Variants in RNF180 observed in about 807,000 individuals in gnomAD.
The protein encoded by RNF180 is E3 ubiquitin-protein ligase RNF180.
RNF180 carries 38 observed loss-of-function variants against 59.2 expected under a neutral mutation model. The ratio of observed to expected loss-of-function variants is 0.64; its 90% CI spans 0.50 to 0.84. The LOEUF is 0.84. RNF180 is among the 40% of genes least tolerant of loss of function. The pLI is 0.00. For missense variants in RNF180, 705 were observed against 700.9 expected, an observed-to-expected ratio of 1.01 and a Z score of -0.07; for synonymous variants, 262 against 240.3, an observed-to-expected ratio of 1.09 and a Z score of -0.84.
intron 7 of RNF180, among the ~76,000 whole-genome samples, chr5:64,363,848 A>G (rs576546304): frequency 1.6e-4 from 25 of 151,724 alleles, no homozygotes; most frequent in Admixed American, 3.3e-4. Flanking sequence ...TTTTGTGGCA[A>G]TTGTGAATGG....
intron 5 of RNF180, among the ~76,000 whole-genome samples, chr5:64,317,685 A>G (rs1047656579): frequency 6.6e-6 from 1 of 151,696 alleles, no homozygotes; most frequent in African/African-American, 2.4e-5. Flanking sequence ...ATATGGTCCA[A>G]GACCCCCCAG....
At chr5:64,279,634 ATTTT>A (rs1561235459) in intron 5 of RNF180, among the ~76,000 whole-genome samples, 1 of 152,008 alleles carries the variant, frequency 6.6e-6, no homozygotes, top group African/African-American at 2.4e-5. Context: ...GGTGTCTTTT[ATTTT>A]TTCTACTTTT....
At chr5:64,172,804 G>C (rs1750012153) in intron 1 of RNF180, among the ~76,000 whole-genome samples, 1 of 152,118 alleles carries the variant, frequency 6.6e-6, no homozygotes, top group Non-Finnish European at 1.5e-5. Context: ...AAGTAGGAGG[G>C]GGCTTCAGTG....
At chr5:64,254,267 T>A (rs950800984) in intron 5 of RNF180, among the ~76,000 whole-genome samples, 1 of 152,176 alleles carries the variant, frequency 6.6e-6, no homozygotes, top group Non-Finnish European at 1.5e-5. Context: ...GTTGGAATGC[T>A]GACAAATGGA....
intron 5 of RNF180, among the ~76,000 whole-genome samples, chr5:64,301,471 A>G (rs1161737523): frequency 6.6e-6 from 1 of 151,736 alleles, no homozygotes; most frequent in Admixed American, 6.6e-5. Context: ...TATTTTATGA[A>G]ATGACAGATG....
chr5:64,181,130 C>T (rs1394795345), intron 1 of RNF180, among the ~76,000 whole-genome samples: 2 of 152,180 alleles, frequency 1.3e-5, no homozygotes, highest in Non-Finnish European at 2.9e-5. Flanking sequence ...CCTGCTCCTT[C>T]CACGTTCTTC....
At chr5:64,352,690 G>A (rs911022374) in intron 7 of RNF180, among the ~76,000 whole-genome samples, 3 of 151,904 alleles carry the variant, frequency 2.0e-5, no homozygotes, top group Non-Finnish European at 2.9e-5. Flanking sequence ...TATTTAGAAA[G>A]AATAGATAAA....
chr5:64,171,450 A>G (rs934071207), intron 1 of RNF180, among the ~76,000 whole-genome samples: 12 of 152,184 alleles, frequency 7.9e-5, no homozygotes, highest in Admixed American at 5.9e-4. Flanking sequence ...CATATAGACT[A>G]TAACAGGCAC....
intron 5 of RNF180, among the ~76,000 whole-genome samples, chr5:64,301,913 G>A (rs1315896494): frequency 3.3e-5 from 5 of 151,600 alleles, no homozygotes; most frequent in African/African-American, 1.2e-4. Flanking sequence ...TCTTTTACCA[G>A]GGAATGAGAA....
intron 7 of RNF180, among the ~76,000 whole-genome samples, chr5:64,361,967 A>C (rs1746270736): frequency 6.6e-6 from 1 of 151,490 alleles, no homozygotes; most frequent in African/African-American, 2.4e-5. Flanking sequence ...GATCCTCATA[A>C]GCTCAACCCT....
chr5:64,193,544 A>G (rs1751292791), intron 1 of RNF180, among the ~76,000 whole-genome samples: 1 of 152,200 alleles, frequency 6.6e-6, no homozygotes, highest in African/African-American at 2.4e-5. Context: ...TCAGCATTAC[A>G]TTAGATCTTT....
intron 5 of RNF180, among the ~76,000 whole-genome samples, chr5:64,238,920 A>T (rs1041463995): frequency 2.0e-5 from 3 of 152,116 alleles, no homozygotes; most frequent in South Asian, 4.1e-4. Flanking sequence ...GGAGACCCTG[A>T]AGTTCTTAAC....
chr5:64,190,759 G>T (rs1444751477), intron 1 of RNF180, among the ~76,000 whole-genome samples: 1 of 152,178 alleles, frequency 6.6e-6, no homozygotes, highest in East Asian at 1.9e-4. Flanking sequence ...ACAGAGGAAA[G>T]GCCATGTGAG....
intron 7 of RNF180, among the ~76,000 whole-genome samples, chr5:64,354,698 T>G (rs1017904292): frequency 4.0e-5 from 6 of 151,746 alleles, no homozygotes; most frequent in African/African-American, 1.5e-4. Flanking sequence ...CTCTGCAAAA[T>G]ACTAACAGAT....
chr5:64,355,788 A>T (rs1195512644), intron 7 of RNF180, among the ~76,000 whole-genome samples: 2 of 151,972 alleles, frequency 1.3e-5, no homozygotes, highest in Non-Finnish European at 2.9e-5. Context: ...AAGTCCATTC[A>T]TCTGGGAAAG....
intron 5 of RNF180, among the ~76,000 whole-genome samples, chr5:64,261,253 T>C (rs546257553): frequency 6.6e-6 from 1 of 152,254 alleles, no homozygotes; most frequent in South Asian, 2.1e-4. Flanking sequence ...TAAGCCAACA[T>C]TTTCATTCAG....
chr5:64,173,981 TG>T (rs1750091786), intron 1 of RNF180, among the ~76,000 whole-genome samples: 2 of 152,300 alleles, frequency 1.3e-5, no homozygotes, highest in South Asian at 4.1e-4. Context: ...CCCGAATTGC[TG>T]GGATTACAGG....
At position 64,271,326 on chromosome 5, in the gene RNF180, T is replaced by C. The variant is rs551348307; in HGVS notation, c.1228-53860T>C. Among the ~76,000 whole-genome samples the C allele has an allele frequency of 5.9e-5, 9 of 152,214 alleles. No individual in the cohort carries two copies. In the South Asian group the frequency reaches 1.9e-3, roughly 32 times the overall value. On this transcript the variant is annotated intron_variant, in intron 5 of 7. Transcript: ENST00000389100. Reference sequence around the variant, plus strand: ...GTATATGTTGCTATTGAATATTTAATTAATACATGTTGTCACTTTCATTTT... The same window carrying C: ...GTATATGTTGCTATTGAATATTTAACTAATACATGTTGTCACTTTCATTTT...
intron 5 of RNF180, among the ~76,000 whole-genome samples, chr5:64,262,808 G>C (rs1210919594): frequency 6.6e-6 from 1 of 152,084 alleles, no homozygotes; most frequent in Admixed American, 6.6e-5. Flanking sequence ...ATTTTTGTGA[G>C]CCACAGGTAC....
Sources: allele counts gnomAD v4.1 joint callset (sites outside exome capture counted in the v4.1 genomes callset), GRCh38; gene constraint gnomAD v4.1.1; transcripts MANE v1.5; gene names NCBI Gene and HGNC (gene_info 2026-07-23, HGNC 2026-07-21).